The following PRKN variants were observed in gnomAD, a reference collection of about 807,000 sequenced individuals.
The protein encoded by PRKN is E3 ubiquitin-protein ligase parkin.
Under a neutral mutation model 59.5 loss-of-function variants are expected in PRKN, and 56 were observed. That is an observed-to-expected ratio of 0.94 (90% CI 0.76 to 1.18). The LOEUF is 1.18. PRKN is among the 50% of genes most tolerant of loss of function. PRKN has a pLI of 0.00. For missense variants in PRKN, 657 were observed against 596.4 expected (o/e 1.10, Z -1.06); for synonymous variants, 250 against 222.1 (o/e 1.13, Z -1.12).
At chr6:162,030,950 G>C (rs927816656) in intron 5 of PRKN, among the ~76,000 whole-genome samples, 1 of 152,182 alleles carries the variant, frequency 6.6e-6, no homozygotes, top group Admixed American at 6.5e-5. Flanking sequence ...AGCCACGAAA[G>C]GAGTAAATGG....
intron 4 of PRKN, among the ~76,000 whole-genome samples, chr6:162,175,001 C>T (rs1783465764): frequency 6.6e-6 from 1 of 152,190 alleles, no homozygotes; most frequent in Non-Finnish European, 1.5e-5. Flanking sequence ...TGTCTTTCCC[C>T]ACCCTGTGAG....
intron 7 of PRKN, among the ~76,000 whole-genome samples, chr6:161,585,358 G>A (rs58648771): frequency 0.074 from 11,269 of 152,140 alleles, 1,407 homozygotes; most frequent in African/African-American, 0.26. Context: ...CTAATGAGTG[G>A]GTCTTGCTTC....
intron 6 of PRKN, among the ~76,000 whole-genome samples, chr6:161,792,996 C>T (rs762874552): frequency 2.0e-5 from 3 of 152,128 alleles, no homozygotes; most frequent in Non-Finnish European, 4.4e-5. Context: ...AAGTGCACGA[C>T]TGACAAAGAA....
At chr6:162,037,645 C>G (rs1386217647) in intron 5 of PRKN, among the ~76,000 whole-genome samples, 2 of 151,572 alleles carry the variant, frequency 1.3e-5, no homozygotes, top group Non-Finnish European at 2.9e-5. Flanking sequence ...CTCCTGGGTT[C>G]AAGCAATTCT....
intron 2 of PRKN, among the ~76,000 whole-genome samples, chr6:162,337,896 T>C (rs575576981): frequency 5.3e-5 from 8 of 152,124 alleles, no homozygotes; most frequent in African/African-American, 7.2e-5. Context: ...AAACTACTTC[T>C]AATAGCAAAA....
intron 7 of PRKN, among the ~76,000 whole-genome samples, chr6:161,765,603 G>T (rs1012344373): frequency 6.6e-6 from 1 of 152,076 alleles, no homozygotes; most frequent in Admixed American, 6.6e-5. Flanking sequence ...GTACAACCGA[G>T]AACAACACCC....
chr6:161,781,093 C>T (rs2128205714), intron 7 of PRKN, among the ~76,000 whole-genome samples: 1 of 152,278 alleles, frequency 6.6e-6, no homozygotes, highest in Admixed American at 6.5e-5. Flanking sequence ...AGACTGACTA[C>T]ACAGTTGAAT....
At chr6:162,501,754 G>C (rs748781413) in intron 1 of PRKN, among the ~76,000 whole-genome samples, 39 of 152,086 alleles carry the variant, frequency 2.6e-4, no homozygotes, top group Non-Finnish European at 4.0e-4. Context: ...TCAGAGGGCA[G>C]AACCAACGCT....
chr6:162,017,899 C>A (rs1004245479), intron 5 of PRKN, among the ~76,000 whole-genome samples: 5 of 152,052 alleles, frequency 3.3e-5, no homozygotes, highest in African/African-American at 1.2e-4. Flanking sequence ...AAAGAAACCC[C>A]GAGAGAGCCT....
At chr6:161,742,618 A>T (rs974151807) in intron 7 of PRKN, among the ~76,000 whole-genome samples, 1 of 152,214 alleles carries the variant, frequency 6.6e-6, no homozygotes, top group Non-Finnish European at 1.5e-5. Context: ...ATGCAAGGAC[A>T]TTTCAGGCTC....
chr6:161,519,311 C>T (rs1317633378), intron 9 of PRKN, among the ~76,000 whole-genome samples: 3 of 152,154 alleles, frequency 2.0e-5, no homozygotes, highest in East Asian at 1.9e-4. Context: ...CTCATCTAGT[C>T]GAAAATACCA....
intron 7 of PRKN, among the ~76,000 whole-genome samples, chr6:161,633,997 AACACACACACAC>A (rs141101298): frequency 2.7e-4 from 38 of 142,120 alleles, no homozygotes; most frequent in Admixed American, 5.0e-4. Flanking sequence ...GGAAAACTTA[AACACACACACAC>A]ACACACACAC....
intron 9 of PRKN, among the ~76,000 whole-genome samples, chr6:161,534,923 T>A (rs1779356798): frequency 6.6e-6 from 1 of 152,246 alleles, no homozygotes; most frequent in South Asian, 2.1e-4. Context: ...GAATAAAAGC[T>A]AAAACTCCTA....
At chr6:162,386,350 T>A (rs1221270937) in intron 2 of PRKN, among the ~76,000 whole-genome samples, 6 of 152,222 alleles carry the variant, frequency 3.9e-5, no homozygotes, top group Non-Finnish European at 5.9e-5. Flanking sequence ...TAAAAGTATA[T>A]TTATACTAAA....
At chr6:162,253,279 A>AAATCTAAACTAATCTAATCT (rs1779511791) in intron 3 of PRKN, among the ~76,000 whole-genome samples, 1 of 149,408 alleles carries the variant, frequency 6.7e-6, no homozygotes, top group East Asian at 2.0e-4. Context: ...AACAGGCAAC[A>AAATCTAAACTAATCTAATCT]AATCTAATCT....
intron 6 of PRKN, among the ~76,000 whole-genome samples, chr6:161,948,555 A>C (rs1779866360): frequency 6.6e-6 from 1 of 152,214 alleles, no homozygotes; most frequent in South Asian, 2.1e-4. Context: ...GAAGGAGGTG[A>C]GAGTTGTCAC....
intron 9 of PRKN, among the ~76,000 whole-genome samples, chr6:161,514,272 C>T (rs565630741): frequency 6.6e-6 from 1 of 152,208 alleles, no homozygotes; most frequent in East Asian, 1.9e-4. Context: ...TCCAACTGGG[C>T]AAGGACTCTT....
intron 5 of PRKN, among the ~76,000 whole-genome samples, chr6:161,987,326 T>C (rs1781472538): frequency 6.6e-6 from 1 of 152,192 alleles, no homozygotes; most frequent in Admixed American, 6.5e-5. Flanking sequence ...AATGGAAGAA[T>C]TAAAAACTCA....
chr6:161,411,956 TCATTCCTTCCTCACC>T (rs1265531923), intron 9 of PRKN, among the ~76,000 whole-genome samples: 1 of 116,086 alleles, frequency 8.6e-6, no homozygotes, highest in African/African-American at 3.2e-5. Context: ...CTCCACTCAT[TCATTCCTTCCTCACC>T]CATTCCTTCC....
Sources: allele counts gnomAD v4.1 joint callset (sites outside exome capture counted in the v4.1 genomes callset), GRCh38; gene constraint gnomAD v4.1.1; transcripts MANE v1.5; gene names NCBI Gene and HGNC (gene_info 2026-07-23, HGNC 2026-07-21).